LIPC: variants seen among roughly 807,000 people sequenced by gnomAD.
The protein encoded by LIPC is lipase C, hepatic type.
Under a neutral mutation model 50.7 loss-of-function variants are expected in LIPC, and 44 were observed. The ratio of observed to expected loss-of-function variants is 0.87; its 90% CI spans 0.68 to 1.11. The LOEUF (loss-of-function observed/expected upper bound fraction) is 1.11, where lower values mean the gene tolerates loss of function less well. LIPC is among the 50% of genes most tolerant of loss of function. The pLI, the probability that LIPC is intolerant of heterozygous loss-of-function variation, is 0.00. For missense variants in LIPC, 697 were observed against 648.2 expected, an observed-to-expected ratio of 1.08 and a Z score of -0.82; for synonymous variants, 271 against 256.4, an observed-to-expected ratio of 1.06 and a Z score of -0.54.
chr15:58,480,517 AC>A (rs1891150878), intron 1 of LIPC, among the ~76,000 whole-genome samples: 1 of 152,020 alleles, frequency 6.6e-6, no homozygotes, highest in South Asian at 2.1e-4. Context: ...TTGATCCCAA[AC>A]CCCTGACCTC....
chr15:58,550,832 T>C (rs1893728932), intron 6 of LIPC, among the ~76,000 whole-genome samples: 1 of 116,120 alleles, frequency 8.6e-6, no homozygotes, highest in Non-Finnish European at 1.8e-5. Context: ...TTACTTTTTT[T>C]TTTTTTTTTT....
chr15:58,528,311 T>C (rs1892852911), intron 1 of LIPC, among the ~76,000 whole-genome samples: 1 of 152,288 alleles, frequency 6.6e-6, no homozygotes, highest in Admixed American at 6.5e-5. Flanking sequence ...CTCACTTTTC[T>C]TTTTGCATGA....
At chr15:58,437,968 C>T (rs138080269) in intron 1 of LIPC, among the ~76,000 whole-genome samples, 7 of 152,148 alleles carry the variant, frequency 4.6e-5, no homozygotes, top group African/African-American at 1.4e-4. Context: ...CTGTCCTCCA[C>T]TCTGCTTGCC....
At chr15:58,459,234 G>A (rs1467971950) in intron 1 of LIPC, among the ~76,000 whole-genome samples, 1 of 152,138 alleles carries the variant, frequency 6.6e-6, no homozygotes, top group Non-Finnish European at 1.5e-5. Context: ...AAAGCCTAGT[G>A]AAACTTTGGC....
chr15:58,464,945 C>T (rs1356058583), intron 1 of LIPC, among the ~76,000 whole-genome samples: 6 of 152,114 alleles, frequency 3.9e-5, no homozygotes, highest in Admixed American at 6.5e-5. Flanking sequence ...TGTACTCCAG[C>T]CTGGGCAACA....
intron 1 of LIPC, among the ~76,000 whole-genome samples, chr15:58,535,786 C>T (rs1595928707): frequency 6.6e-6 from 1 of 152,218 alleles, no homozygotes; most frequent in Admixed American, 6.5e-5. Context: ...ATAAGATAGG[C>T]ACTATTTTTA....
rs540896326 is a variant in LIPC at position 58,502,628 on chromosome 15, A to G, written c.89-35705A>G. The stretch of plus-strand genomic sequence containing the variant: ...AGTCACCTCCAAGAACATTATTCCT[A>G]TTGGGTTAAGGCTCCACCCTTTTGA... On this transcript the variant is annotated intron_variant, in intron 1 of 8. Coordinates refer to ENST00000299022, the MANE Select transcript of LIPC (RefSeq NM_000236.3). Among the ~76,000 whole-genome samples the G allele has an allele frequency of 2.6e-5, 4 of 151,614 alleles. No individual in the cohort carries two copies. In the East Asian group the frequency reaches 5.8e-4, roughly 22 times the overall value.
intron 4 of LIPC, among the ~76,000 whole-genome samples, chr15:58,543,224 A>C (rs1193734778): frequency 2.0e-5 from 3 of 151,688 alleles, no homozygotes; most frequent in Admixed American, 2.0e-4. Context: ...CGTGACACCA[A>C]CCCCACCCTT....
intron 1 of LIPC, among the ~76,000 whole-genome samples, chr15:58,471,328 T>TGGGGGGG (rs5812938): frequency 6.1e-5 from 7 of 114,112 alleles, no homozygotes; most frequent in East Asian, 2.6e-4. Context: ...TTAGTAGAGA[T>TGGGGGGG]GGGGGGGGGT....
At chr15:58,518,740 TA>T (rs1158084786) in intron 1 of LIPC, among the ~76,000 whole-genome samples, 1 of 152,192 alleles carries the variant, frequency 6.6e-6, no homozygotes, top group African/African-American at 2.4e-5. Flanking sequence ...GTGAATCTAC[TA>T]ACTCGAAGTT....
chr15:58,508,673 G>A (rs988905708), intron 1 of LIPC, among the ~76,000 whole-genome samples: 1 of 152,118 alleles, frequency 6.6e-6, no homozygotes, highest in African/African-American at 2.4e-5. Context: ...GGGGGCTGAG[G>A]GAGAGTCCTT....
intron 1 of LIPC, among the ~76,000 whole-genome samples, chr15:58,485,409 G>T (rs181562184): frequency 6.6e-6 from 1 of 152,316 alleles, no homozygotes; most frequent in Admixed American, 6.5e-5. Context: ...GTTTGTCACA[G>T]GTTTGTTGGG....
intron 1 of LIPC, among the ~76,000 whole-genome samples, chr15:58,451,061 G>T (rs976851167): frequency 6.6e-6 from 1 of 152,154 alleles, no homozygotes; most frequent in Non-Finnish European, 1.5e-5. Context: ...TTTACTGAAG[G>T]CAGGCTACCC....
intron 1 of LIPC, among the ~76,000 whole-genome samples, chr15:58,515,556 C>A (rs1388075240): frequency 8.0e-6 from 1 of 124,808 alleles, no homozygotes; most frequent in African/African-American, 3.1e-5. Context: ...ATATATATCT[C>A]AAAATATCAC....
chr15:58,564,030 G>A, intron 8 of LIPC: 1 of 430,238 alleles, frequency 2.3e-6, no homozygotes, highest in Non-Finnish European at 4.4e-6. Context: ...TTCGGTGCAG[G>A]TGAATCACCA....
chr15:58,524,137 G>A (rs1377824633), intron 1 of LIPC, among the ~76,000 whole-genome samples: 2 of 151,534 alleles, frequency 1.3e-5, no homozygotes, highest in Non-Finnish European at 2.9e-5. Flanking sequence ...ATAACCTTAC[G>A]CAGCTGAAAG....
At chr15:58,538,549 C>T (rs558289588) in intron 2 of LIPC, 32 bp downstream of exon 2, 11 of 1,600,382 alleles carry the variant, frequency 6.9e-6, no homozygotes, top group East Asian at 4.5e-5. Flanking sequence ...TTTTTCTCTC[C>T]GATTTCACAT....
intron 1 of LIPC, among the ~76,000 whole-genome samples, chr15:58,496,743 C>CAAAAAAAAAAAAAAAAAAAA (rs10716717): frequency 0.084 from 9,390 of 112,258 alleles, 840 homozygotes; most frequent in Non-Finnish European, 0.11. Flanking sequence ...TCTTCCCCCT[C>CAAAAAAAAAAAAAAAAAAAA]AAAAAAAAAA....
At chr15:58,446,889 G>A (rs1893714591) in intron 1 of LIPC, among the ~76,000 whole-genome samples, 1 of 152,248 alleles carries the variant, frequency 6.6e-6, no homozygotes, top group Middle Eastern at 3.4e-3. Context: ...GCTTATGCCT[G>A]TAACCACAGC....
Sources: allele counts gnomAD v4.1 joint callset (sites outside exome capture counted in the v4.1 genomes callset), GRCh38; gene constraint gnomAD v4.1.1; transcripts MANE v1.5; gene names NCBI Gene and HGNC (gene_info 2026-07-23, HGNC 2026-07-21).